The following GRIA1 variants were observed in gnomAD, a reference collection of about 807,000 sequenced individuals.
GRIA1 encodes the protein glutamate ionotropic receptor AMPA type subunit 1.
A neutral mutation model predicts 99.2 loss-of-function variants in GRIA1; 31 were observed. That is an observed-to-expected ratio of 0.31 (90% CI 0.23 to 0.42). The LOEUF (loss-of-function observed/expected upper bound fraction) is 0.42. Ranked by LOEUF, GRIA1 falls within the 10% of genes least tolerant of loss-of-function variation. The probability of loss-of-function intolerance (pLI) is 1.00; values close to 1 mark genes in which losing one functional copy is unlikely to be tolerated. For synonymous variants in GRIA1, 438 were observed against 432.4 expected (o/e 1.01, Z -0.16); for missense variants, 782 against 1,157.5 (o/e 0.68, Z 4.71).
rs185803958 is a variant in GRIA1 at position 153,768,466 on chromosome 5, G to A, written c.2023-1702G>A. 8.7e-4 allele frequency among the ~76,000 whole-genome samples: 133 copies of A among 152,278 alleles called. 2 individuals are homozygous for A. Among genetic ancestry groups the A allele is most frequent in the Admixed American group, 3.0e-3 (46 of 15,294 alleles). ...TGATATCCAGGGCTCCTCACAGCCAGTCCAGTGTCCTTTCTAGATTGTAAA... is the reference window on the plus strand; with the variant it reads ...TGATATCCAGGGCTCCTCACAGCCAATCCAGTGTCCTTTCTAGATTGTAAA... On this transcript the variant is annotated intron_variant, in intron 12 of 15. Coordinates refer to ENST00000285900, the MANE Select transcript of GRIA1 (RefSeq NM_000827.4).
At chr5:153,552,093 G>A (rs1760199608) in intron 2 of GRIA1, among the ~76,000 whole-genome samples, 2 of 151,978 alleles carry the variant, frequency 1.3e-5, no homozygotes, top group Admixed American at 6.6e-5. Context: ...CTGCACCAGA[G>A]GTCCCAAACT....
rs768979604 is a variant in GRIA1 at position 153,677,079 on chromosome 5, G to A, written c.947G>A (p.Arg316His). 3.2e-6 allele frequency: 5 copies of A among 1,584,988 alleles called. No homozygotes were observed. In the South Asian group the frequency reaches 3.5e-5, roughly 11 times the overall value. ...CGGAGGCAGAGAATTGATATATCTCGCCGGGGGAATGCTGGGGATTGTCTG... is the reference window on the plus strand; with the variant it reads ...CGGAGGCAGAGAATTGATATATCTCACCGGGGGAATGCTGGGGATTGTCTG... Reference protein sequence around the residue: ...SLRRQRIDISRRGNAGDCLAN... With the variant: ...SLRRQRIDISHRGNAGDCLAN... The change falls in exon 7 of 16, where the codon CGC becomes CAC. Residue 316 changes from arginine to histidine, a missense_variant. Transcript: ENST00000285900.
intron 2 of GRIA1, among the ~76,000 whole-genome samples, chr5:153,509,490 C>A (rs990713759): frequency 2.0e-5 from 3 of 152,046 alleles, no homozygotes; most frequent in Admixed American, 2.0e-4. Context: ...AACTTTCTAC[C>A]TTCTGTTCTT....
At chr5:153,695,416 C>T (rs567323486) in intron 8 of GRIA1, among the ~76,000 whole-genome samples, 1 of 152,300 alleles carries the variant, frequency 6.6e-6, no homozygotes, top group East Asian at 1.9e-4. Flanking sequence ...AAAAGCAGAG[C>T]TGAGCATTAG....
chr5:153,570,465 C>T (rs1319417168), intron 2 of GRIA1, among the ~76,000 whole-genome samples: 8 of 152,186 alleles, frequency 5.3e-5, no homozygotes, highest in Non-Finnish European at 1.2e-4. Flanking sequence ...TAGCAAAGGA[C>T]ATCTGTGCTA....
intron 15 of GRIA1, among the ~76,000 whole-genome samples, chr5:153,807,178 G>C (rs1766488692): frequency 1.3e-5 from 2 of 152,160 alleles, no homozygotes; most frequent in Admixed American, 1.3e-4. Flanking sequence ...CGATGAGCAG[G>C]ACAAGTGTCA....
intron 2 of GRIA1, among the ~76,000 whole-genome samples, chr5:153,520,259 T>C (rs1561606064): frequency 1.3e-5 from 2 of 152,202 alleles, no homozygotes; most frequent in Non-Finnish European, 2.9e-5. Flanking sequence ...ATTTAGCTTA[T>C]ACATCCTACA....
At chr5:153,808,404 G>A (rs1258446464) in intron 15 of GRIA1, among the ~76,000 whole-genome samples, 1 of 151,600 alleles carries the variant, frequency 6.6e-6, no homozygotes, top group Non-Finnish European at 1.5e-5. Flanking sequence ...GAGTGGGGGG[G>A]AGTAGGAAGA....
At position 153,745,589 on chromosome 5, in the gene GRIA1, CAAAAAAAAA is replaced by C. The variant is rs58166158; in HGVS notation, c.1824-18830_1824-18822del. On this transcript the variant is annotated intron_variant, in intron 11 of 15. Coordinates refer to ENST00000285900, the MANE Select transcript of GRIA1 (RefSeq NM_000827.4). ...GGGCAACAAAAGCAAAACTCTGTCTCAAAAAAAAAAAAAAAAAAAAAAAGAAAAGAAAAA... is the reference window on the plus strand; with the variant it reads ...GGGCAACAAAAGCAAAACTCTGTCTCAAAAAAAAAAAAAAGAAAAGAAAAA... Among the ~76,000 whole-genome samples the C allele has an allele frequency of 2.7e-3, 270 of 100,888 alleles. 1 individual carries two copies. The highest frequency in any genetic ancestry group is 9.5e-3 in the African/African-American group (246 of 26,008). The allele number at this position is 100,888 out of a possible 152,430, so 66.2% of individuals were successfully genotyped here. A position where few individuals can be genotyped will look rare whatever the true frequency, so the allele number is the denominator to read the frequency against.
chr5:153,746,901 G>A (rs968118153), intron 11 of GRIA1, among the ~76,000 whole-genome samples: 1 of 152,180 alleles, frequency 6.6e-6, no homozygotes, highest in African/African-American at 2.4e-5. Flanking sequence ...GGAGGGTGGT[G>A]ACCCTGGTCT....
At chr5:153,746,643 GC>G (rs1762181087) in intron 11 of GRIA1, among the ~76,000 whole-genome samples, 2 of 152,200 alleles carry the variant, frequency 1.3e-5, no homozygotes, top group African/African-American at 4.8e-5. Context: ...TGATGGATCA[GC>G]AGATAGTAAG....
chr5:153,797,349 C>A (rs919181232), intron 14 of GRIA1, among the ~76,000 whole-genome samples: 1 of 152,208 alleles, frequency 6.6e-6, no homozygotes, highest in Non-Finnish European at 1.5e-5. Flanking sequence ...CACCCTGGAT[C>A]CTGTCCAAAG....
At chr5:153,647,955 C>T (rs1368024597) in intron 3 of GRIA1, among the ~76,000 whole-genome samples, 4 of 152,240 alleles carry the variant, frequency 2.6e-5, no homozygotes, top group Middle Eastern at 3.4e-3. Flanking sequence ...CTCCAACTCC[C>T]GTGATGTTTG....
rs541030748 is a variant in GRIA1, at chr5:153,609,296, G to A, written c.221-37632G>A. 1.1e-4 allele frequency among the ~76,000 whole-genome samples: 17 copies of A among 152,234 alleles called. 1 individual carries two copies. Among genetic ancestry groups the A allele is most frequent in the African/African-American group, 4.1e-4 (17 of 41,540 alleles). ...TTTGTTAGCTCTCCTACATCTTCAA[G>A]TAGATTTGTAAATATTTTGCCCAGC... On this transcript the variant is annotated intron_variant, in intron 2 of 15. Transcript: ENST00000285900.
chr5:153,579,884 C>A (rs200663803), intron 2 of GRIA1, among the ~76,000 whole-genome samples: 1 of 116,902 alleles, frequency 8.6e-6, no homozygotes, highest in South Asian at 3.6e-4. Flanking sequence ...AAAACAAAAA[C>A]AAACAAACAA....
Position 153,656,387 on chromosome 5 carries a change from ATATAT to A in GRIA1, c.699+516_699+520del, listed in dbSNP as rs1561735827. ...ATATGGCATAGATAAGTTTGTTTATATATATATATATATATATATATATATATTTG... is the reference window on the plus strand; with the variant it reads ...ATATGGCATAGATAAGTTTGTTTATAATATATATATATATATATATATTTG... On this transcript the variant is annotated intron_variant, in intron 5 of 15. Coordinates refer to ENST00000285900, the MANE Select transcript of GRIA1 (RefSeq NM_000827.4). Among the ~76,000 whole-genome samples, 260 of 143,496 alleles carry A rather than the reference ATATAT, an allele frequency of 1.8e-3. 2 individuals carry two copies. The highest frequency in any genetic ancestry group is 3.7e-3 in the Middle Eastern group (1 of 270). The allele number at this position is 143,496 out of a possible 152,430, so 94.1% of individuals were successfully genotyped here.
At chr5:153,551,954 C>G (rs908348986) in intron 2 of GRIA1, among the ~76,000 whole-genome samples, 1 of 152,050 alleles carries the variant, frequency 6.6e-6, no homozygotes, top group Non-Finnish European at 1.5e-5. Flanking sequence ...AGAGAAAGCC[C>G]CCCCTCATCC....
At chr5:153,640,397 A>T (rs1465826677) in intron 2 of GRIA1, among the ~76,000 whole-genome samples, 1 of 152,194 alleles carries the variant, frequency 6.6e-6, no homozygotes, top group Non-Finnish European at 1.5e-5. Context: ...TGACACAATG[A>T]CCTAACTTCT....
chr5:153,721,893 C>T (rs1018812996), intron 11 of GRIA1, among the ~76,000 whole-genome samples: 59 of 152,196 alleles, frequency 3.9e-4, no homozygotes, highest in Admixed American at 1.6e-3. Flanking sequence ...ATTCCTGGGT[C>T]AACTTATATA....
Sources: allele counts gnomAD v4.1 joint callset (sites outside exome capture counted in the v4.1 genomes callset), GRCh38; gene constraint gnomAD v4.1.1; transcripts MANE v1.5; gene names NCBI Gene and HGNC (gene_info 2026-07-23, HGNC 2026-07-21).